The following AKT3 variants were observed in gnomAD, a reference collection of about 807,000 sequenced individuals.
AKT3 encodes the protein AKT serine/threonine kinase 3, also known as RAC-gamma serine/threonine-protein kinase.
Under a neutral mutation model 65.3 loss-of-function variants are expected in AKT3, and 15 were observed. The ratio of observed to expected loss-of-function variants is 0.23; its 90% CI spans 0.15 to 0.35. The LOEUF is 0.35. Among genes scored for constraint, AKT3 ranks in the 10% least tolerant of loss-of-function variants. The pLI is 1.00. For missense variants in AKT3, 243 were observed against 576.5 expected (o/e 0.42, Z 5.92); for synonymous variants, 206 against 183.8 (o/e 1.12, Z -0.98).
chr1:243,573,194 T>G (rs569657227), intron 8 of AKT3, 146 bp from the exon 9 acceptor site: 2 of 915,164 alleles, frequency 2.2e-6, no homozygotes, highest in South Asian at 3.1e-5. Flanking sequence ...AGACAGCAGC[T>G]GGCTTATCTT....
chr1:243,637,587 A>G, intron 6 of AKT3, 24 bp downstream of exon 6: 1 of 1,569,010 alleles, frequency 6.4e-7, no homozygotes, highest in Non-Finnish European at 8.6e-7. Flanking sequence ...AAAATTTAGT[A>G]ATCAACTTTA....
chr1:243,545,567 T>C lies in AKT3; in HGVS notation c.1194A>G (p.Glu398=). 1 of 1,613,050 alleles carries C rather than the reference T, an allele frequency of 6.2e-7. No individual in the cohort carries two copies. The change falls in exon 12 of 14, where the codon GAA becomes GAG. Residue 398 remains glutamate (E), a synonymous_variant. Coordinates refer to ENST00000673466, the MANE Select transcript of AKT3 (RefSeq NM_005465.7). ...RLGGGPDDAK[E]IMRHSFFSGV... ...CAGAGAAGAAACTGTGTCTCATAAT[T>C]TCTTTTGCATCATCTGGTCCTCCAC...
At chr1:243,497,982 T>G (rs1668456282), downstream of AKT3, among the ~76,000 whole-genome samples, 1 of 152,282 alleles carries the variant, frequency 6.6e-6, no homozygotes, top group Non-Finnish European at 1.5e-5. Context: ...GTTGGGTTGT[T>G]TTTCTTTTGA....
chr1:243,781,912 T>G (rs1690940401), intron 2 of AKT3, among the ~76,000 whole-genome samples: 1 of 152,182 alleles, frequency 6.6e-6, no homozygotes, highest in Non-Finnish European at 1.5e-5. Context: ...AGCCTCGACC[T>G]TCTGAGCCCA....
intron 3 of AKT3, among the ~76,000 whole-genome samples, chr1:243,689,275 T>A (rs938165212): frequency 1.3e-5 from 2 of 152,124 alleles, no homozygotes; most frequent in Non-Finnish European, 2.9e-5. Context: ...ATAATTCATG[T>A]ACATTTATAT....
chr1:243,645,134 C>T (rs528480031), intron 5 of AKT3, among the ~76,000 whole-genome samples: 2 of 152,106 alleles, frequency 1.3e-5, no homozygotes, highest in South Asian at 4.1e-4. Context: ...AATCACTGTG[C>T]TAATACCAAA....
chr1:243,581,438 AT>A (rs1162555686), intron 8 of AKT3, among the ~76,000 whole-genome samples: 1 of 152,238 alleles, frequency 6.6e-6, no homozygotes, highest in Non-Finnish European at 1.5e-5. Context: ...ACAGCCCAAA[AT>A]AAAATTGGCC....
intron 8 of AKT3, among the ~76,000 whole-genome samples, chr1:243,602,858 T>G (rs1295200178): frequency 6.6e-6 from 1 of 152,198 alleles, no homozygotes; most frequent in East Asian, 1.9e-4. Flanking sequence ...ACACAATGAT[T>G]TTCCTTTACT....
chr1:243,751,897 T>A (rs1336917294), intron 2 of AKT3, among the ~76,000 whole-genome samples: 1 of 152,190 alleles, frequency 6.6e-6, no homozygotes, highest in African/African-American at 2.4e-5. Flanking sequence ...AGCCTACAAC[T>A]ATCTAGGACC....
chr1:243,747,327 T>C (rs887136047), intron 2 of AKT3, among the ~76,000 whole-genome samples: 2 of 152,226 alleles, frequency 1.3e-5, no homozygotes, highest in Non-Finnish European at 2.9e-5. Context: ...TACGGCAAAG[T>C]GAATTTGAGA....
At chr1:243,774,730 T>C (rs564422356) in intron 2 of AKT3, among the ~76,000 whole-genome samples, 37 of 152,336 alleles carry the variant, frequency 2.4e-4, no homozygotes, top group African/African-American at 8.9e-4. Context: ...AACATCCTAG[T>C]ACATACAGAT....
chr1:243,654,684 G>C (rs1470700327), intron 4 of AKT3, among the ~76,000 whole-genome samples: 1 of 151,978 alleles, frequency 6.6e-6, no homozygotes, highest in Non-Finnish European at 1.5e-5. Flanking sequence ...TTGTTTCTTA[G>C]CACTCATTTT....
At chr1:243,754,466 G>A (rs74151213) in intron 2 of AKT3, among the ~76,000 whole-genome samples, 1,586 of 152,278 alleles carry the variant, frequency 0.01, 21 homozygotes, top group African/African-American at 0.036. Flanking sequence ...CCAATGTGCT[G>A]AGGGATGGAG....
intron 3 of AKT3, among the ~76,000 whole-genome samples, chr1:243,666,595 A>C (rs1380717550): frequency 6.6e-6 from 1 of 152,206 alleles, no homozygotes; most frequent in East Asian, 1.9e-4. Flanking sequence ...ACCCAGGCTG[A>C]AACATAAACT....
chr1:243,834,636 C>T (rs1463448511), intron 2 of AKT3, among the ~76,000 whole-genome samples: 3 of 151,728 alleles, frequency 2.0e-5, no homozygotes, highest in East Asian at 1.9e-4. Context: ...GGGTACTATG[C>T]TTATTACCCG....
chr1:243,533,915 G>A (rs755948384), intron 12 of AKT3, among the ~76,000 whole-genome samples: 10 of 152,154 alleles, frequency 6.6e-5, no homozygotes, highest in Admixed American at 2.0e-4. Context: ...GTGTGAAGCC[G>A]GGAGGCGGAG....
At chr1:243,646,701 A>G (rs1680845213) in intron 4 of AKT3, among the ~76,000 whole-genome samples, 1 of 152,084 alleles carries the variant, frequency 6.6e-6, no homozygotes, top group Non-Finnish European at 1.5e-5. Flanking sequence ...TGCAGTTTTT[A>G]GAAGTGTTTT....
intron 2 of AKT3, among the ~76,000 whole-genome samples, chr1:243,778,025 A>G (rs1158283990): frequency 6.6e-6 from 1 of 152,142 alleles, no homozygotes; most frequent in Non-Finnish European, 1.5e-5. Context: ...CTCTGGGACC[A>G]TCTTTAAGAT....
At chr1:243,713,816 G>T (rs1324378525) in intron 2 of AKT3, among the ~76,000 whole-genome samples, 2 of 142,536 alleles carry the variant, frequency 1.4e-5, no homozygotes, top group African/African-American at 5.1e-5. Context: ...TGTTAAGCAA[G>T]CTAAAGCCAC....
Sources: gnomAD v4.1 joint callset for allele counts (sites outside exome capture counted in the v4.1 genomes callset) on GRCh38, gnomAD v4.1.1 for gene constraint, MANE v1.5 for transcripts, NCBI Gene and HGNC (gene_info 2026-07-23, HGNC 2026-07-21) for gene names.